CGA: variants seen among roughly 807,000 people sequenced by gnomAD.
CGA encodes the protein glycoprotein hormones alpha chain.
In CGA, 4 loss-of-function variants were observed where a neutral mutation model predicts 12.0. That is an observed-to-expected ratio of 0.33 (90% CI 0.16 to 0.76). The LOEUF is 0.76. CGA is among the 30% of genes least tolerant of loss of function. CGA has a pLI of 0.60. For missense variants in CGA, 102 were observed against 143.5 expected (o/e 0.71, Z 1.48); for synonymous variants, 60 against 56.6 (o/e 1.06, Z -0.27).
At chr6:87,094,513 AT>A (rs1769500463) in intron 1 of CGA, among the ~76,000 whole-genome samples, 1 of 152,218 alleles carries the variant, frequency 6.6e-6, no homozygotes, top group African/African-American at 2.4e-5. Context: ...CATTCAAGAA[AT>A]TCCATGCTAC....
In CGA at chr6:87,092,578, GA is replaced by G. The variant is rs1769459102; in HGVS notation, c.-8+2434del. Among the ~76,000 whole-genome samples the G allele has an allele frequency of 2.6e-5, 4 of 151,112 alleles. No homozygotes were observed. In the South Asian group the frequency reaches 8.4e-4, roughly 32 times the overall value. The stretch of plus-strand genomic sequence containing the variant: ...AAGAAAAGAAGAGGAGAGGAGAGGA[GA>G]GGGGAAGAGGGGAAAGGAGAGGAAA... On this transcript the variant is annotated intron_variant, in intron 1 of 3. Transcript: ENST00000627148.
intron 2 of CGA, among the ~76,000 whole-genome samples, chr6:87,086,826 C>T (rs9351113): frequency 0.064 from 9,692 of 151,470 alleles, 421 homozygotes; most frequent in East Asian, 0.13. Context: ...GCCTGTAATC[C>T]GAGCACTTTG....
chr6:87,088,530 G>A (rs1300246250), intron 1 of CGA, among the ~76,000 whole-genome samples: 1 of 151,700 alleles, frequency 6.6e-6, no homozygotes, highest in Non-Finnish European at 1.5e-5. Flanking sequence ...CTGTTAAGAA[G>A]CCTCAATGTC....
rs115482860 is a variant in CGA at position 87,090,626 on chromosome 6, G to A, written c.-7-2419C>T. Among the ~76,000 whole-genome samples the A allele has an allele frequency of 5.9e-3, 874 of 147,216 alleles. 6 individuals carry two copies. Among genetic ancestry groups the A allele is most frequent in the African/African-American group, 0.021 (831 of 40,050 alleles). On this transcript the variant is annotated intron_variant, in intron 1 of 3. Coordinates refer to ENST00000627148, the MANE Select transcript of CGA (RefSeq NM_000735.4). ...AAACTCATGAATAGAAGCTCTTTGG[G>A]CTCTTCAATAATTTTTTTTTTGTTT...
chr6:87,087,094 G>GCAAGA (rs1013879058), intron 2 of CGA, among the ~76,000 whole-genome samples: 5 of 152,068 alleles, frequency 3.3e-5, no homozygotes, highest in African/African-American at 1.2e-4. Flanking sequence ...AAAAGGCAAG[G>GCAAGA]CAAGACAAGG....
At chr6:87,089,241 G>A (rs988572114) in intron 1 of CGA, 9 of 152,218 alleles carry the variant, frequency 5.9e-5, no homozygotes, top group African/African-American at 1.9e-4. Context: ...GGAAAGAAGT[G>A]TATGAGGGTG....
At position 87,086,162 on chromosome 6, in the gene CGA, C is replaced by T. The variant is rs182380510; in HGVS notation, c.273+88G>A. 4.0e-4 allele frequency: 480 copies of T among 1,203,890 alleles called. 2 individuals are homozygous for T. Among genetic ancestry groups the T allele is most frequent in the Middle Eastern group, 1.6e-3 (8 of 4,998 alleles). The allele number at this position is 1,203,890 out of a possible 1,614,324, so 74.6% of individuals were successfully genotyped here. On this transcript the variant is annotated intron_variant, in intron 3 of 3. Transcript: ENST00000627148. ...TCGACAGAGGCTGGGTCATTAGACA[C>T]CTTTGGCATTAAATTCCATGGGTGG... is the stretch of plus-strand genomic sequence containing the variant.
At chr6:87,092,642 AAG>A (rs1202930918) in intron 1 of CGA, among the ~76,000 whole-genome samples, 11 of 152,120 alleles carry the variant, frequency 7.2e-5, no homozygotes, top group Admixed American at 2.0e-4. Context: ...AAGAAAAGAA[AAG>A]AGAGCAAGTT....
intron 1 of CGA, among the ~76,000 whole-genome samples, chr6:87,089,898 A>T (rs1391890495): frequency 6.6e-6 from 1 of 152,214 alleles, no homozygotes; most frequent in East Asian, 1.9e-4. Flanking sequence ...AATTACCTTC[A>T]GGCTATGTGT....
Position 87,086,274 on chromosome 6 carries a change from G to A in CGA, c.249C>T (p.Cys83=). ...VQKNVTSEST[C]CVAKSYNRVT... The stretch of plus-strand genomic sequence containing the variant: ...CCCTGTTATATGATTTAGCTACACA[G>A]CAAGTGGACTCTGAGGTGACGTTCT... Residue 83 remains cysteine, a synonymous_variant, in exon 3 of 4, where the codon TGC becomes TGT. Transcript: ENST00000627148. The A allele has an allele frequency of 1.2e-6, 2 of 1,613,384 alleles. No individual in the cohort carries two copies. The highest frequency in any genetic ancestry group is 1.7e-6 in the Non-Finnish European group (2 of 1,179,752).
At chr6:87,094,546 A>G (rs369114132) in intron 1 of CGA, among the ~76,000 whole-genome samples, 4 of 152,256 alleles carry the variant, frequency 2.6e-5, no homozygotes, top group Admixed American at 2.0e-4. Context: ...GCATGAGAAC[A>G]TCTATTCAAA....
At chr6:87,088,645 C>T (rs1040772458) in intron 1 of CGA, among the ~76,000 whole-genome samples, 8 of 151,918 alleles carry the variant, frequency 5.3e-5, no homozygotes, top group African/African-American at 1.7e-4. Context: ...AGGATAAACA[C>T]AAAGTATTCA....
At chr6:87,092,995 T>C (rs1769469062) in intron 1 of CGA, among the ~76,000 whole-genome samples, 2 of 152,116 alleles carry the variant, frequency 1.3e-5, no homozygotes, top group Non-Finnish European at 1.5e-5. Context: ...CCCAGGCTGA[T>C]CTTCAACTCC....
chr6:87,085,846 G>GAA lies in CGA; in HGVS notation c.274-15_274-14dup. On this transcript the variant is annotated splice_polypyrimidine_tract_variant and intron_variant, in intron 3 of 3. Coordinates refer to ENST00000627148, the MANE Select transcript of CGA (RefSeq NM_000735.4). The stretch of plus-strand genomic sequence containing the variant: ...CCATTACTGTGACCTAAAGGGGAAG[G>GAA]AAAAAAAAACATATTATAGATTAGA... 3.3e-6 allele frequency: 5 copies of GAA among 1,518,700 alleles called. No homozygotes were observed. The highest frequency in any genetic ancestry group is 4.5e-6 in the Non-Finnish European group (5 of 1,104,614). 94.1% of individuals were successfully genotyped at this position (1,518,700 alleles called of 1,614,324 possible).
chr6:87,085,873 G>T, intron 3 of CGA, 40 bp from the exon 4 acceptor site: 1 of 1,226,908 alleles, frequency 8.2e-7, no homozygotes, highest in South Asian at 1.3e-5. Context: ...TAGATTAGAT[G>T]ATAGATAGAT....
At chr6:87,092,143 A>G (rs932981609) in intron 1 of CGA, among the ~76,000 whole-genome samples, 1 of 151,444 alleles carries the variant, frequency 6.6e-6, no homozygotes, top group Non-Finnish European at 1.5e-5. Flanking sequence ...CCCCTTGTTC[A>G]TTGCCCCTGT....
intron 1 of CGA, among the ~76,000 whole-genome samples, chr6:87,090,999 T>C (rs1769424143): frequency 1.3e-5 from 2 of 152,086 alleles, no homozygotes; most frequent in Non-Finnish European, 2.9e-5. Context: ...TCAGTAAGTT[T>C]GAGAATACAC....
intron 2 of CGA, among the ~76,000 whole-genome samples, chr6:87,087,130 G>GA (rs1769338828): frequency 6.6e-6 from 1 of 152,112 alleles, no homozygotes; most frequent in Admixed American, 6.6e-5. Context: ...AAGAAACTGT[G>GA]AATGCTTCCT....
chr6:87,086,100 T>A, intron 3 of CGA, 150 bp downstream of exon 3: 1 of 721,234 alleles, frequency 1.4e-6, no homozygotes, highest in Non-Finnish European at 2.3e-6. Context: ...CTCTTTTAAT[T>A]AATGGGTAGA....
Sources: gnomAD v4.1 joint callset for allele counts (sites outside exome capture counted in the v4.1 genomes callset) on GRCh38, gnomAD v4.1.1 for gene constraint, MANE v1.5 for transcripts, NCBI Gene and HGNC (gene_info 2026-07-23, HGNC 2026-07-21) for gene names.